TMPRSS15: variants seen among roughly 807,000 people sequenced by gnomAD.
TMPRSS15 encodes the protein enteropeptidase.
In TMPRSS15, 128 loss-of-function variants were observed where a neutral mutation model predicts 125.3. That is an observed-to-expected ratio of 1.02 (90% confidence interval 0.89 to 1.18). TMPRSS15 has a LOEUF of 1.18. Among genes scored for constraint, TMPRSS15 ranks in the 50% most tolerant of loss-of-function variants. The pLI is 0.00. For synonymous variants in TMPRSS15, 446 were observed against 423.2 expected, an observed-to-expected ratio of 1.05 and a Z score of -0.66; for missense variants, 1,283 against 1,212.7, an observed-to-expected ratio of 1.06 and a Z score of -0.86.
intron 1 of TMPRSS15, among the ~76,000 whole-genome samples, chr21:18,448,517 A>G (rs1300103961): frequency 6.6e-6 from 1 of 152,134 alleles, no homozygotes; most frequent in African/African-American, 2.4e-5. Context: ...GATGAAACAC[A>G]CTATAAAGAT....
In TMPRSS15 at chr21:18,272,618, G is replaced by A. The variant is rs184340077; in HGVS notation, c.2905-2494C>T. ...TGGGTGCCTGTAATCCCAGCTACTC[G>A]GGAGGCTGAGGCAGGAGAATCACTT... is the stretch of plus-strand genomic sequence containing the variant. On this transcript the variant is annotated intron_variant, in intron 24 of 24. Transcript: ENST00000284885. Among the ~76,000 whole-genome samples, 1,197 of 152,096 alleles carry A rather than the reference G, an allele frequency of 7.9e-3. 18 individuals are homozygous for A. Among genetic ancestry groups the A allele is most frequent in the African/African-American group, 0.027 (1,113 of 41,490 alleles).
chr21:18,323,872 T>C (rs1046403729), intron 16 of TMPRSS15, among the ~76,000 whole-genome samples: 1 of 152,184 alleles, frequency 6.6e-6, no homozygotes, highest in Non-Finnish European at 1.5e-5. Flanking sequence ...TTATTGAACC[T>C]TGTATATTTT....
intron 23 of TMPRSS15, among the ~76,000 whole-genome samples, chr21:18,277,909 G>A (rs1243923650): frequency 6.6e-6 from 1 of 152,180 alleles, no homozygotes; most frequent in Non-Finnish European, 1.5e-5. Flanking sequence ...CACAGCCAAT[G>A]AGCCTTGTGG....
chr21:18,365,200 A>G lies in TMPRSS15; in HGVS notation c.713T>C (p.Phe238Ser). ...AGGTTTTGGATAATGAGTAGCCTGG[A>G]AAGACCCAGATGATCCAGTTAACAA... The part of the protein sequence containing the change: ...RFLLTGSSGS[F>S]QATHYPKPSE... The change falls in exon 7 of 25, where the codon TTC becomes TCC. Residue 238 changes from phenylalanine (F) to serine (S), a missense_variant. Transcript: ENST00000284885. 6.2e-7 allele frequency: 1 copy of G among 1,614,162 alleles called. No homozygotes were observed. Among genetic ancestry groups the G allele is most frequent in the Non-Finnish European group, 8.5e-7 (1 of 1,180,018 alleles).
At chr21:18,345,197 CTGTT>C (rs1157571814) in intron 10 of TMPRSS15, among the ~76,000 whole-genome samples, 3 of 152,132 alleles carry the variant, frequency 2.0e-5, no homozygotes, top group Non-Finnish European at 4.4e-5. Flanking sequence ...GTATGACAAA[CTGTT>C]AATAATGTGT....
chr21:18,422,281 C>T (rs2076193878), intron 1 of TMPRSS15, among the ~76,000 whole-genome samples: 1 of 152,056 alleles, frequency 6.6e-6, no homozygotes, highest in Non-Finnish European at 1.5e-5. Flanking sequence ...CCACCACCCC[C>T]AGCCCTGAAG....
At position 18,471,129 on chromosome 21, in the gene TMPRSS15, G is replaced by A. The variant is rs146826760; in HGVS notation, c.10+14670C>T. Reference sequence around the variant, plus strand: ...GACTCATTTTTTCTTGCCAAAGGCAGAAATTTGGGGTTTCAACAGAACTGT... The same window carrying A: ...GACTCATTTTTTCTTGCCAAAGGCAAAAATTTGGGGTTTCAACAGAACTGT... On this transcript the variant is annotated intron_variant, in intron 1 of 7. Coordinates refer to the TMPRSS15 transcript ENST00000422787. Among the ~76,000 whole-genome samples, 687 of 152,106 alleles carry A rather than the reference G, an allele frequency of 4.5e-3. 9 individuals are homozygous for A. The highest frequency in any genetic ancestry group is 0.016 in the African/African-American group (656 of 41,546).
At chr21:18,340,781 T>C (rs2075438180) in intron 13 of TMPRSS15, among the ~76,000 whole-genome samples, 1 of 152,176 alleles carries the variant, frequency 6.6e-6, no homozygotes, top group Non-Finnish European at 1.5e-5. Flanking sequence ...CTACAGACCA[T>C]GCCACGTGGC....
chr21:18,294,194 C>T, intron 21 of TMPRSS15, 76 bp downstream of exon 21: 4 of 1,559,438 alleles, frequency 2.6e-6, no homozygotes, highest in Non-Finnish European at 3.5e-6. Flanking sequence ...TTTTGTGATG[C>T]TGCATGAAAT....
intron 18 of TMPRSS15, among the ~76,000 whole-genome samples, chr21:18,300,443 G>A (rs2074959090): frequency 6.6e-6 from 1 of 151,466 alleles, no homozygotes; most frequent in South Asian, 2.1e-4. Context: ...CCAGGTTTAA[G>A]TGATTCTCCT....
At chr21:18,413,250 C>T (rs2076170715) in intron 1 of TMPRSS15, among the ~76,000 whole-genome samples, 1 of 144,220 alleles carries the variant, frequency 6.9e-6, no homozygotes, top group African/African-American at 2.5e-5. Context: ...CTCTTTCTTC[C>T]TTCCTTTCTT....
intron 21 of TMPRSS15, among the ~76,000 whole-genome samples, chr21:18,283,314 GT>G (rs2074723426): frequency 1.3e-5 from 2 of 152,028 alleles, no homozygotes; most frequent in Admixed American, 6.6e-5. Context: ...TAGCCTGCCT[GT>G]TAAGACTGAC....
intron 10 of TMPRSS15, among the ~76,000 whole-genome samples, chr21:18,348,171 T>G (rs1205567359): frequency 6.6e-6 from 1 of 152,072 alleles, no homozygotes; most frequent in African/African-American, 2.4e-5. Context: ...GGAGACAGAG[T>G]GATCCTGTCT....
chr21:18,401,988 A>AT (rs2076099014), intron 1 of TMPRSS15, among the ~76,000 whole-genome samples: 1 of 152,148 alleles, frequency 6.6e-6, no homozygotes, highest in African/African-American at 2.4e-5. Context: ...CAAAACAGCC[A>AT]TTTTTCTAAA....
chr21:18,298,624 A>C (rs2074932961), intron 18 of TMPRSS15, among the ~76,000 whole-genome samples: 1 of 152,206 alleles, frequency 6.6e-6, no homozygotes, highest in Admixed American at 6.5e-5. Context: ...TTAGCTTTTA[A>C]TTCTTAATCT....
At chr21:18,307,938 A>G (rs546695552) in intron 18 of TMPRSS15, among the ~76,000 whole-genome samples, 11 of 152,202 alleles carry the variant, frequency 7.2e-5, no homozygotes, top group Non-Finnish European at 1.3e-4. Context: ...TTATAATCAC[A>G]TGGTGATCTG....
chr21:18,388,050 T>C (rs1190243605), intron 3 of TMPRSS15, among the ~76,000 whole-genome samples: 2 of 152,186 alleles, frequency 1.3e-5, no homozygotes, highest in Non-Finnish European at 2.9e-5. Flanking sequence ...CTCCTGCTCC[T>C]GATTTCCTTT....
chr21:18,446,240 A>G (rs967627760), intron 1 of TMPRSS15, among the ~76,000 whole-genome samples: 1 of 152,214 alleles, frequency 6.6e-6, no homozygotes, highest in African/African-American at 2.4e-5. Flanking sequence ...CTAGGAATCA[A>G]TTTAACCAAA....
chr21:18,368,901 G>T (rs890764902), intron 6 of TMPRSS15, among the ~76,000 whole-genome samples: 2 of 152,128 alleles, frequency 1.3e-5, no homozygotes, highest in African/African-American at 4.8e-5. Context: ...CTTGTGTAAG[G>T]CACTTTCTTA....
Sources: gnomAD v4.1 joint callset for allele counts (sites outside exome capture counted in the v4.1 genomes callset) on GRCh38, gnomAD v4.1.1 for gene constraint, MANE v1.5 for transcripts, NCBI Gene and HGNC (gene_info 2026-07-23, HGNC 2026-07-21) for gene names.